Variants in FN1 observed in about 807,000 individuals in gnomAD.
The protein encoded by FN1 is fibronectin.
In FN1, 106 loss-of-function variants were observed where a neutral mutation model predicts 297.3. That is an observed-to-expected ratio of 0.36 (90% confidence interval 0.30 to 0.42). The LOEUF is 0.42. FN1 is among the 10% of genes least tolerant of loss of function. FN1 has a pLI of 1.00. For synonymous variants in FN1, 1,149 were observed against 1,152.6 expected, an observed-to-expected ratio of 1.00 and a Z score of 0.06; for missense variants, 2,690 against 3,124.9, an observed-to-expected ratio of 0.86 and a Z score of 3.32.
intron 9 of FN1, among the ~76,000 whole-genome samples, chr2:215,423,012 G>A (rs1575775594): frequency 6.6e-6 from 1 of 152,150 alleles, no homozygotes; most frequent in East Asian, 1.9e-4. Context: ...AATGTTGTAA[G>A]CTACTCAGTT....
intron 6 of FN1, among the ~76,000 whole-genome samples, chr2:215,425,648 G>A (rs1273862058): frequency 6.6e-6 from 1 of 152,094 alleles, no homozygotes; most frequent in African/African-American, 2.4e-5. Context: ...TGCCTCCTGG[G>A]TTCAAGCTAT....
Position 215,364,981 on chromosome 2 carries a change from C to G in FN1, c.7149G>C (p.Glu2383Asp), listed in dbSNP as rs1225407672. ...TCTTCCCATCATCATAACACGTTGC[C>G]TCATCTGCATATAGACACAAGACAG... ...GKGEFKCDPH[E>D]ATCYDDGKTY... is the part of the protein sequence containing the mutation. Residue 2383 changes from glutamate (E) to aspartate (D), a missense_variant, in exon 44 of 46, where the codon GAG becomes GAC. Coordinates refer to ENST00000354785, the MANE Select transcript of FN1 (RefSeq NM_212482.4). The G allele has an allele frequency of 6.4e-7, 1 of 1,566,530 alleles. No individual in the cohort carries two copies. Among genetic ancestry groups the G allele is most frequent in the African/African-American group, 1.3e-5 (1 of 74,336 alleles).
intron 15 of FN1, among the ~76,000 whole-genome samples, chr2:215,409,133 T>C (rs748739773): frequency 2.0e-5 from 3 of 152,226 alleles, no homozygotes; most frequent in Middle Eastern, 3.4e-3. Context: ...TTTATAAGAA[T>C]TCAAATTCAC....
chr2:215,371,349 C>T (rs2056052093), intron 40 of FN1, among the ~76,000 whole-genome samples: 1 of 151,190 alleles, frequency 6.6e-6, no homozygotes, highest in Non-Finnish European at 1.5e-5. Context: ...AGCTGCTATG[C>T]ACAGCTTCGC....
intron 12 of FN1, 29 bp from the exon 13 acceptor site, chr2:215,414,987 T>C (rs771737873): frequency 1.0e-5 from 16 of 1,571,566 alleles, no homozygotes; most frequent in Non-Finnish European, 1.4e-5. Context: ...CATTTAATTA[T>C]CTTGAATATT....
intron 42 of FN1, among the ~76,000 whole-genome samples, chr2:215,366,751 TCA>T (rs1403185132): frequency 6.6e-6 from 1 of 152,050 alleles, no homozygotes; most frequent in African/African-American, 2.4e-5. Flanking sequence ...AGCCAAAGAG[TCA>T]CATAAATGAA....
At chr2:215,408,235 T>A (rs2062062592) in intron 16 of FN1, 38 bp from the exon 17 acceptor site, 1 of 1,613,204 alleles carries the variant, frequency 6.2e-7, no homozygotes, top group African/African-American at 1.3e-5. Flanking sequence ...AGTCAGGAAG[T>A]GCTACTACAG....
At chr2:215,380,277 A>C (rs775689074) in intron 33 of FN1, 7 of 161,830 alleles carry the variant, frequency 4.3e-5, no homozygotes, top group Non-Finnish European at 8.2e-5. Context: ...CTTCAGAAAT[A>C]AAGCACAAGA....
In FN1 at chr2:215,394,704, C is replaced by T; in HGVS notation, c.3620G>A (p.Arg1207Lys). ...GCCGTTTGTAGGGGTTGTGGTAATT[C>T]TATAACCAGTAATGTCTGGAGAAAA... is the stretch of plus-strand genomic sequence containing the variant. ...RSTTPDITGY[R>K]ITTTPTNGQQ... Residue 1207 changes from arginine to lysine, a missense_variant, in exon 24 of 46, where the codon AGA becomes AAA. Transcript: ENST00000354785. 1.2e-6 allele frequency: 2 copies of T among 1,613,724 alleles called. No homozygotes were observed. Among genetic ancestry groups the T allele is most frequent in the African/African-American group, 2.7e-5 (2 of 74,998 alleles).
intron 35 of FN1, among the ~76,000 whole-genome samples, chr2:215,377,505 AGCCATGTGATGTGCCT>A (rs1375186901): frequency 6.6e-6 from 1 of 151,974 alleles, no homozygotes; most frequent in Non-Finnish European, 1.5e-5. Context: ...CTTTTGCCAC[AGCCATGTGATGTGCCT>A]GCTCCCCCTT....
At chr2:215,373,941 C>T (rs1186377423) in intron 38 of FN1, among the ~76,000 whole-genome samples, 1 of 152,150 alleles carries the variant, frequency 6.6e-6, no homozygotes, top group East Asian at 1.9e-4. Flanking sequence ...CTCGGCCTCC[C>T]AAAGTGCTGG....
At position 215,382,289 on chromosome 2, in the gene FN1, G is replaced by A. The variant is rs763263877; in HGVS notation, c.5087C>T (p.Thr1696Ile). ...ATAGACACTAACCACATACTCCACT[G>A]TGGGCTGCAAGCCTTCAATAGTCAT... ...TEMTIEGLQP[T>I]VEYVVSVYAQ... Residue 1696 changes from threonine (T) to isoleucine (I), a missense_variant, in exon 32 of 46, where the codon ACA becomes ATA. Physicochemically the swap from Thr to Ile is moderately conservative, Grantham distance 89. Coordinates refer to ENST00000354785, the MANE Select transcript of FN1 (RefSeq NM_212482.4). The A allele has an allele frequency of 3.1e-6, 5 of 1,613,796 alleles. No individual in the cohort carries two copies. In the South Asian group the frequency reaches 4.4e-5, roughly 14 times the overall value.
chr2:215,394,685 T>A lies in FN1; in HGVS notation c.3639A>T (p.Thr1213=). The A allele has an allele frequency of 6.2e-7, 1 of 1,614,104 alleles. No homozygotes were observed. The highest frequency in any genetic ancestry group is 8.5e-7 in the Non-Finnish European group (1 of 1,179,998). ...CCAAAGAATTTCCCTGCTGGCCGTT[T>A]GTAGGGGTTGTGGTAATTCTATAAC... is the stretch of plus-strand genomic sequence containing the variant. ...ITGYRITTTP[T]NGQQGNSLEE... Residue 1213 remains threonine, a synonymous_variant, in exon 24 of 46, where the codon ACA becomes ACT. Transcript: ENST00000354785.
chr2:215,419,256 A>G lies in FN1; in HGVS notation c.1805T>C (p.Leu602Ser), dbSNP rs749435315. 8.1e-6 allele frequency: 13 copies of G among 1,614,086 alleles called. No individual in the cohort carries two copies. The South Asian group carries it at 1.4e-4, about 18-fold the overall frequency. The change falls in exon 12 of 46, where the codon TTA (leucine) becomes TCA (serine). Residue 602 changes from leucine (L) to serine (S), a missense_variant. Leu to Ser is a moderately radical substitution (Grantham distance 145, BLOSUM62 -2). Coordinates refer to ENST00000354785, the MANE Select transcript of FN1 (RefSeq NM_212482.4). ...RGIGEWHCQP[L>S]QTYPSSSGPV... ...GAGCTACTTACTTGGATAGGTCTGT[A>G]AAGGTTGGCAATGCCACTCCCCAAT...
Position 215,436,046 on chromosome 2 carries a change from T to C in FN1, c.-244A>G, listed in dbSNP as rs1260133345. ...CGCCTGGGGTTCCCTCTCCTCCCCCTGTGCAGCACAGCCGGCGCGGGCGTC... is the reference window on the plus strand; with the variant it reads ...CGCCTGGGGTTCCCTCTCCTCCCCCCGTGCAGCACAGCCGGCGCGGGCGTC... On this transcript the variant is annotated 5_prime_UTR_variant, in exon 1 of 46. Transcript: ENST00000354785. 3 of 721,488 alleles carry C rather than the reference T, an allele frequency of 4.2e-6. No homozygotes were observed. Among genetic ancestry groups the C allele is most frequent in the East Asian group, 3.2e-5 (1 of 31,340 alleles). 44.7% of individuals were successfully genotyped at this position (721,488 alleles called of 1,614,324 possible). A position where few individuals can be genotyped will look rare whatever the true frequency, so the allele number is the denominator to read the frequency against.
At chr2:215,385,161 T>C (rs778303876) in intron 28 of FN1, among the ~76,000 whole-genome samples, 185 bp from the exon 29 acceptor site, 13 of 151,370 alleles carry the variant, frequency 8.6e-5, no homozygotes, top group Non-Finnish European at 7.4e-5. Flanking sequence ...CCCATTCAAA[T>C]TGTGATAAAA....
intron 5 of FN1, among the ~76,000 whole-genome samples, 194 bp downstream of exon 5, chr2:215,430,521 T>C (rs1446559430): frequency 6.6e-6 from 1 of 152,232 alleles, no homozygotes; most frequent in Non-Finnish European, 1.5e-5. Flanking sequence ...ATCAAAGTGA[T>C]ATGTTTTTCT....
Position 215,391,746 on chromosome 2 carries a change from G to C in FN1, c.4138C>G (p.Pro1380Ala). ...GPDTMRVTWA[P>A]PPSIDLTNFL... ...TTGGTTAAATCAATGGATGGGGGTG[G>C]AGCCCAGGTGACACGCATGGTGTCT... Residue 1380 changes from proline (P) to alanine (A), a missense_variant, in exon 26 of 46, where the codon CCA becomes GCA. Pro to Ala is a conservative substitution (Grantham distance 27). Coordinates refer to ENST00000354785, the MANE Select transcript of FN1 (RefSeq NM_212482.4). The C allele has an allele frequency of 1.9e-6, 3 of 1,614,170 alleles. No individual in the cohort carries two copies. The highest frequency in any genetic ancestry group is 8.5e-7 in the Non-Finnish European group (1 of 1,180,012).
chr2:215,383,114 C>T (rs1349983555), intron 31 of FN1, among the ~76,000 whole-genome samples: 1 of 152,002 alleles, frequency 6.6e-6, no homozygotes, highest in Non-Finnish European at 1.5e-5. Flanking sequence ...AAGCCATTCT[C>T]CTGCCTCAGC....
Sources: allele counts gnomAD v4.1 joint callset (sites outside exome capture counted in the v4.1 genomes callset), GRCh38; gene constraint gnomAD v4.1.1; transcripts MANE v1.5; gene names NCBI Gene and HGNC (gene_info 2026-07-23, HGNC 2026-07-21).